Variants in CERS3 observed in about 807,000 individuals in gnomAD.
The protein encoded by CERS3 is ceramide synthase 3.
A neutral mutation model predicts 50.3 loss-of-function variants in CERS3; 33 were observed. The ratio of observed to expected loss-of-function variants is 0.66; its 90% CI spans 0.50 to 0.88. The LOEUF (loss-of-function observed/expected upper bound fraction) is 0.88. CERS3 is among the 40% of genes least tolerant of loss of function. CERS3 has a pLI of 0.00. For synonymous variants in CERS3, 176 were observed against 155.2 expected (o/e 1.13, Z -0.99); for missense variants, 470 against 460.3 (o/e 1.02, Z -0.19).
At chr15:100,471,064 A>G (rs2034952558) in intron 9 of CERS3, among the ~76,000 whole-genome samples, 1 of 152,118 alleles carries the variant, frequency 6.6e-6, no homozygotes, top group African/African-American at 2.4e-5. Context: ...CCACCACTTA[A>G]TATTTTGTCT....
At chr15:100,415,964 A>G (rs929891905) in intron 11 of CERS3, among the ~76,000 whole-genome samples, 1 of 152,266 alleles carries the variant, frequency 6.6e-6, no homozygotes, top group African/African-American at 2.4e-5. Context: ...TAAAACAAAA[A>G]CACCACTGGA....
At chr15:100,423,329 C>G (rs1220977242) in intron 11 of CERS3, among the ~76,000 whole-genome samples, 1 of 152,136 alleles carries the variant, frequency 6.6e-6, no homozygotes, top group East Asian at 1.9e-4. Flanking sequence ...ATATGTTCAT[C>G]ATAGCACTAT....
intron 10 of CERS3, among the ~76,000 whole-genome samples, chr15:100,456,470 T>C (rs2034375507): frequency 6.6e-6 from 1 of 152,230 alleles, no homozygotes; most frequent in Non-Finnish European, 1.5e-5. Flanking sequence ...CAAAGGTGAA[T>C]AGAGAATTCT....
At chr15:100,501,071 A>G (rs2035982430) in intron 3 of CERS3, among the ~76,000 whole-genome samples, 3 of 152,258 alleles carry the variant, frequency 2.0e-5, no homozygotes, top group Non-Finnish European at 4.4e-5. Flanking sequence ...AAGGCTGGAA[A>G]TAATATCCAT....
At chr15:100,444,863 A>G (rs2033865827) in intron 11 of CERS3, among the ~76,000 whole-genome samples, 1 of 152,218 alleles carries the variant, frequency 6.6e-6, no homozygotes, top group Admixed American at 6.5e-5. Flanking sequence ...TCTGTCAGAC[A>G]TAATTCCTCG....
intron 1 of CERS3, among the ~76,000 whole-genome samples, chr15:100,527,108 A>G (rs1325623985): frequency 1.3e-5 from 2 of 152,230 alleles, no homozygotes; most frequent in East Asian, 3.9e-4. Flanking sequence ...AGACTGACCA[A>G]CATGGCGAAA....
At chr15:100,423,013 C>A (rs899631275) in intron 11 of CERS3, among the ~76,000 whole-genome samples, 1 of 150,310 alleles carries the variant, frequency 6.7e-6, no homozygotes, top group African/African-American at 2.5e-5. Context: ...GTGCAGCACA[C>A]CAGCATGGCA....
At chr15:100,491,641 G>T (rs531151016) in intron 3 of CERS3, among the ~76,000 whole-genome samples, 1 of 152,072 alleles carries the variant, frequency 6.6e-6, no homozygotes, top group Non-Finnish European at 1.5e-5. Context: ...AGTCCGTTAA[G>T]GTGGAACTTT....
intron 5 of CERS3, among the ~76,000 whole-genome samples, chr15:100,480,589 C>A (rs2035267292): frequency 6.6e-6 from 1 of 152,004 alleles, no homozygotes; most frequent in African/African-American, 2.4e-5. Context: ...AAAGACACAT[C>A]AAAAAATTGT....
intron 11 of CERS3, among the ~76,000 whole-genome samples, chr15:100,406,913 A>G (rs1220848499): frequency 2.0e-5 from 3 of 152,216 alleles, no homozygotes; most frequent in Non-Finnish European, 4.4e-5. Context: ...AGCAAGTCAC[A>G]TCTTACATGG....
intron 2 of CERS3, among the ~76,000 whole-genome samples, chr15:100,517,899 G>A (rs1304867274): frequency 9.2e-5 from 14 of 152,204 alleles, no homozygotes; most frequent in Non-Finnish European, 1.8e-4. Context: ...CTCAGACTCC[G>A]AAATCACAAG....
rs1242783402 is a variant in CERS3 at position 100,400,850 on chromosome 15, AC to A, written c.*1862del. 2.0e-5 allele frequency: 3 copies of A among 152,050 alleles called. No homozygotes were observed. Among genetic ancestry groups the A allele is most frequent in the Non-Finnish European group, 4.4e-5 (3 of 68,010 alleles). 9.4% of individuals were successfully genotyped at this position (152,050 alleles called of 1,614,324 possible). A position where few individuals can be genotyped will look rare whatever the true frequency, so the allele number is the denominator to read the frequency against. Reference sequence around the variant, plus strand: ...ATATTAATAATAAGTCAATAGCTATACCCTAAAGTGGGTGCAGGCATTTTGA... The same window carrying A: ...ATATTAATAATAAGTCAATAGCTATACCTAAAGTGGGTGCAGGCATTTTGA... On this transcript the variant is annotated 3_prime_UTR_variant, in exon 12 of 12. Transcript: ENST00000679737.
rs374116263 is a variant in CERS3, at chr15:100,421,188, T to C, written c.1000-18323A>G. 9.2e-5 allele frequency among the ~76,000 whole-genome samples: 14 copies of C among 151,656 alleles called. 1 individual carries two copies. Among genetic ancestry groups the C allele is most frequent in the African/African-American group, 9.7e-5 (4 of 41,094 alleles). ...TGATTGTATATCTAGAAAACCCCAT[T>C]GTCTCAGCCCAAAATCTCCTTAAGC... On this transcript the variant is annotated intron_variant, in intron 11 of 11. Coordinates refer to ENST00000679737, the MANE Select transcript of CERS3 (RefSeq NM_001378789.1).
chr15:100,455,325 G>A (rs1244576188), intron 11 of CERS3, among the ~76,000 whole-genome samples: 1 of 152,124 alleles, frequency 6.6e-6, no homozygotes, highest in East Asian at 1.9e-4. Context: ...GTGGGGTTGG[G>A]AGAAGATGAA....
rs369193664 is a variant in CERS3 at position 100,502,267 on chromosome 15, A to AAAGAAAG, written c.-1-418_-1-417insCTTTCTT. Among the ~76,000 whole-genome samples, 390 of 109,288 alleles carry AAAGAAAG rather than the reference A, an allele frequency of 3.6e-3. 1 individual carries two copies. The highest frequency in any genetic ancestry group is 5.3e-3 in the Non-Finnish European group (294 of 55,804). The allele number at this position is 109,288 out of a possible 152,430, so 71.7% of individuals were successfully genotyped here. A position where few individuals can be genotyped will look rare whatever the true frequency, so the allele number is the denominator to read the frequency against. On this transcript the variant is annotated intron_variant, in intron 2 of 11. Transcript: ENST00000679737. ...TCAAAAAAAGAAAAAAAAAAAAAAA[A>AAAGAAAG]AAAGAAAGAAAGAAAGAAAGAAAAT...
At chr15:100,447,736 T>C (rs896140583) in intron 11 of CERS3, among the ~76,000 whole-genome samples, 5 of 152,206 alleles carry the variant, frequency 3.3e-5, no homozygotes, top group Non-Finnish European at 7.3e-5. Context: ...CCATGGCAAG[T>C]TTCTGGGGCC....
chr15:100,434,117 A>G (rs2142129540), intron 11 of CERS3, among the ~76,000 whole-genome samples: 1 of 152,342 alleles, frequency 6.6e-6, no homozygotes. Flanking sequence ...CCTTTGAAAG[A>G]CGTGACCATG....
chr15:100,452,445 T>G (rs1230570769), intron 11 of CERS3, among the ~76,000 whole-genome samples: 1 of 152,114 alleles, frequency 6.6e-6, no homozygotes, highest in Non-Finnish European at 1.5e-5. Flanking sequence ...ATCAAAACAT[T>G]TCTTGAAACA....
intron 10 of CERS3, among the ~76,000 whole-genome samples, chr15:100,463,477 T>C (rs1273232895): frequency 6.8e-6 from 1 of 148,096 alleles, no homozygotes; most frequent in Non-Finnish European, 1.5e-5. Flanking sequence ...AATGAATACA[T>C]GAATAAAAGG....
Sources: gnomAD v4.1 joint callset for allele counts (sites outside exome capture counted in the v4.1 genomes callset) on GRCh38, gnomAD v4.1.1 for gene constraint, MANE v1.5 for transcripts, NCBI Gene and HGNC (gene_info 2026-07-23, HGNC 2026-07-21) for gene names.